Variants in PRDM15 observed in about 807,000 individuals in gnomAD.
The protein encoded by PRDM15 is PR domain zinc finger protein 15.
Under a neutral mutation model 128.6 loss-of-function variants are expected in PRDM15, and 64 were observed. That is an observed-to-expected ratio of 0.50 (90% CI 0.41 to 0.61). The LOEUF is 0.61. PRDM15 is among the 20% of genes least tolerant of loss of function. The pLI is 0.00. For synonymous variants in PRDM15, 615 were observed against 621.8 expected (o/e 0.99, Z 0.16); for missense variants, 1,242 against 1,569.1 (o/e 0.79, Z 3.52).
chr21:41,860,423 T>TTTTG, intron 1 of PRDM15, 51 bp from the exon 2 acceptor site: 1 of 1,546,002 alleles, frequency 6.5e-7, no homozygotes, highest in Non-Finnish European at 8.9e-7. Context: ...ACCAAAATAC[T>TTTTG]TTTGTTTTGT....
At chr21:41,846,736 G>A (rs1376108444) in intron 6 of PRDM15, among the ~76,000 whole-genome samples, 1 of 152,242 alleles carries the variant, frequency 6.6e-6, no homozygotes, top group Non-Finnish European at 1.5e-5. Flanking sequence ...AGAAACAATG[G>A]AAGGGGCTGT....
rs1010555385 is a variant in PRDM15, at chr21:41,828,103, G to A, written c.1534+63C>T. The stretch of plus-strand genomic sequence containing the variant: ...AAGGCCCTGCTGACTGCTCCATGCC[G>A]CCCTGCCCCACCCCGCAGGAGCTGC... On this transcript the variant is annotated intron_variant, in intron 12 of 23. Transcript: ENST00000398548. The surrounding 1 kb of genome is among the most constrained non-coding windows in gnomAD (Gnocchi z 5.7). 2.5e-5 allele frequency: 39 copies of A among 1,574,840 alleles called. No individual in the cohort carries two copies. The highest frequency in any genetic ancestry group is 2.2e-4 in the Middle Eastern group (1 of 4,492).
At chr21:41,858,047 C>CGAT (rs2063691569) in intron 3 of PRDM15, among the ~76,000 whole-genome samples, 2 of 152,154 alleles carry the variant, frequency 1.3e-5, no homozygotes, top group South Asian at 4.1e-4. Flanking sequence ...TGGGGTCCAG[C>CGAT]GATGGAGGAG....
At chr21:41,843,256 A>G (rs2063130225) in intron 6 of PRDM15, among the ~76,000 whole-genome samples, 2 of 152,108 alleles carry the variant, frequency 1.3e-5, no homozygotes. Context: ...CCAGAAGTAT[A>G]ACTCTTTCCT....
At position 41,810,122 on chromosome 21, in the gene PRDM15, G is replaced by A. The variant is rs1172184404; in HGVS notation, c.2652+32C>T. The stretch of plus-strand genomic sequence containing the variant: ...GGTGTCCGGTGCGCGGCCCGCTGGC[G>A]GGGCACGGAGGGGGCACAGCCACCA... On this transcript the variant is annotated intron_variant, in intron 21 of 23. Coordinates refer to ENST00000398548, the MANE Select transcript of PRDM15 (RefSeq NM_001040424.3). This position sits in a 1 kb window ranked among gnomAD's most constrained non-coding sequence, Gnocchi z 6.4. The A allele has an allele frequency of 3.2e-6, 5 of 1,584,482 alleles. No individual in the cohort carries two copies. The highest frequency in any genetic ancestry group is 1.1e-5 in the South Asian group (1 of 90,006).
In PRDM15 at chr21:41,810,347, GACAC is replaced by G. The variant is rs112248693; in HGVS notation, c.2477-22_2477-19del. 8 of 1,606,650 alleles carry G rather than the reference GACAC, an allele frequency of 5.0e-6. No homozygotes were observed. In the East Asian group the frequency reaches 1.8e-4, roughly 36 times the overall value. ...CTTGCCCACTTTTCACACACACGCA[GACAC>G]ACATGCGCGTGGAAAGGAAGAGACA... On this transcript the variant is annotated intron_variant, in intron 20 of 23. Coordinates refer to ENST00000398548, the MANE Select transcript of PRDM15 (RefSeq NM_001040424.3). The surrounding 1 kb of genome is among the most constrained non-coding windows in gnomAD (Gnocchi z 6.4).
At chr21:41,812,661 C>G (rs531591751) in intron 19 of PRDM15, 2 of 152,352 alleles carry the variant, frequency 1.3e-5, no homozygotes, top group East Asian at 3.9e-4. Flanking sequence ...GCATCCCCAA[C>G]AGACGGCCAC....
intron 14 of PRDM15, chr21:41,823,117 G>A (rs769745316): frequency 1.8e-4 from 115 of 645,766 alleles, no homozygotes; most frequent in East Asian, 3.8e-4. Flanking sequence ...GTGAGAAGGC[G>A]CCGTCTACGA....
intron 19 of PRDM15, chr21:41,813,145 G>A (rs1361767413): frequency 6.6e-6 from 1 of 152,278 alleles, no homozygotes; most frequent in Admixed American, 6.5e-5. Context: ...TTTAAACAAA[G>A]GTTGCCCCTC....
At chr21:41,843,885 G>A (rs2063147835) in intron 6 of PRDM15, among the ~76,000 whole-genome samples, 1 of 151,302 alleles carries the variant, frequency 6.6e-6, no homozygotes, top group African/African-American at 2.4e-5. Flanking sequence ...TGAGTTTGAG[G>A]CTGCAATGAG....
intron 1 of PRDM15, among the ~76,000 whole-genome samples, chr21:41,876,858 G>A (rs1405974347): frequency 6.6e-6 from 1 of 152,170 alleles, no homozygotes; most frequent in Non-Finnish European, 1.5e-5. Context: ...CGAGTTCTGT[G>A]GAGTGGAATC....
chr21:41,855,794 G>A (rs1458367528), intron 4 of PRDM15, among the ~76,000 whole-genome samples: 7 of 152,206 alleles, frequency 4.6e-5, no homozygotes, highest in Non-Finnish European at 1.0e-4. Flanking sequence ...TACGTCGACC[G>A]GATGGGTGCT....
chr21:41,806,379 T>C lies in PRDM15; in HGVS notation c.2653-1765A>G, dbSNP rs867538851. ...ACCACCACCACCATCACTACCACCA[T>C]CACCACCACCACCATCACCACCACC... is the stretch of plus-strand genomic sequence containing the variant. On this transcript the variant is annotated intron_variant, in intron 21 of 23. Coordinates refer to ENST00000398548, the MANE Select transcript of PRDM15 (RefSeq NM_001040424.3). Among the ~76,000 whole-genome samples, 25 of 9,234 alleles carry C rather than the reference T, an allele frequency of 2.7e-3. 1 individual carries two copies. The highest frequency in any genetic ancestry group is 4.8e-3 in the African/African-American group (8 of 1,658). The allele number at this position is 9,234 out of a possible 152,430, so 6.1% of individuals were successfully genotyped here.
chr21:41,843,174 C>T (rs942246269), intron 6 of PRDM15, among the ~76,000 whole-genome samples: 2 of 151,928 alleles, frequency 1.3e-5, no homozygotes, highest in African/African-American at 4.8e-5. Context: ...TTAATTAATG[C>T]CTTACTTTTT....
chr21:41,861,020 G>A (rs1443703483), intron 1 of PRDM15, among the ~76,000 whole-genome samples: 2 of 152,072 alleles, frequency 1.3e-5, no homozygotes, highest in Non-Finnish European at 2.9e-5. Context: ...GCCCAGGCTG[G>A]AGTGCAGTGG....
At chr21:41,831,996 T>C (rs541028640) in intron 11 of PRDM15, among the ~76,000 whole-genome samples, 1 of 152,296 alleles carries the variant, frequency 6.6e-6, no homozygotes, top group African/African-American at 2.4e-5. Flanking sequence ...CAGTTTCGTT[T>C]TGGCTTAAGA....
At chr21:41,836,075 A>G in intron 10 of PRDM15, 38 bp downstream of exon 10, 4 of 1,471,062 alleles carry the variant, frequency 2.7e-6, no homozygotes, top group South Asian at 2.3e-5. Flanking sequence ...TGTTGTCCAC[A>G]CAACTGGGAA....
intron 1 of PRDM15, among the ~76,000 whole-genome samples, chr21:41,877,825 T>C (rs745847977): frequency 1.3e-5 from 2 of 152,374 alleles, no homozygotes; most frequent in Non-Finnish European, 2.9e-5. Flanking sequence ...CTTTGCTGGC[T>C]ACTTTGCGGC....
At chr21:41,869,560 C>A (rs2064139719) in intron 1 of PRDM15, among the ~76,000 whole-genome samples, 1 of 151,990 alleles carries the variant, frequency 6.6e-6, no homozygotes, top group Admixed American at 6.5e-5. Flanking sequence ...GATTCTCCTG[C>A]CTCAGCCTCT....
Sources: gnomAD v4.1 joint callset for allele counts (sites outside exome capture counted in the v4.1 genomes callset) on GRCh38, gnomAD v4.1.1 for gene constraint, Gnocchi (gnomAD v3.1) non-coding constraint, MANE v1.5 for transcripts, NCBI Gene and HGNC (gene_info 2026-07-23, HGNC 2026-07-21) for gene names.